IGF2BP2: variants seen among roughly 807,000 people sequenced by gnomAD.
IGF2BP2 encodes the protein insulin like growth factor 2 mRNA binding protein 2.
In IGF2BP2, 17 loss-of-function variants were observed where a neutral mutation model predicts 75.8. The observed-to-expected ratio is 0.22, with a 90% CI of 0.15 to 0.34. The LOEUF (loss-of-function observed/expected upper bound fraction) is 0.34. IGF2BP2 is among the 10% of genes least tolerant of loss of function. IGF2BP2 has a pLI of 1.00. For synonymous variants in IGF2BP2, 288 were observed against 295.6 expected (o/e 0.97, Z 0.26); for missense variants, 516 against 772.4 (o/e 0.67, Z 3.93).
chr3:185,797,429 C>A (rs911270162), intron 2 of IGF2BP2, among the ~76,000 whole-genome samples: 4 of 152,306 alleles, frequency 2.6e-5, no homozygotes, highest in Admixed American at 2.6e-4. Flanking sequence ...TTTGGACACC[C>A]CAAAGAGAAC....
intron 6 of IGF2BP2, among the ~76,000 whole-genome samples, chr3:185,687,783 C>T (rs1478219016): frequency 6.6e-6 from 1 of 152,198 alleles, no homozygotes; most frequent in Admixed American, 6.5e-5. Context: ...GTGGTCCTAC[C>T]TGTTTTTGTT....
intron 2 of IGF2BP2, among the ~76,000 whole-genome samples, chr3:185,771,597 A>C (rs1486353049): frequency 6.6e-6 from 1 of 152,150 alleles, no homozygotes; most frequent in Non-Finnish European, 1.5e-5. Context: ...AAGGAGGTAA[A>C]CTTTCCACTT....
At chr3:185,731,757 G>C (rs1311300997) in intron 2 of IGF2BP2, among the ~76,000 whole-genome samples, 1 of 151,804 alleles carries the variant, frequency 6.6e-6, no homozygotes, top group South Asian at 2.1e-4. Context: ...GGCGGATCAC[G>C]AGGTCAGGAG....
chr3:185,696,246 G>C (rs1722564877), intron 4 of IGF2BP2, among the ~76,000 whole-genome samples: 1 of 152,144 alleles, frequency 6.6e-6, no homozygotes, highest in African/African-American at 2.4e-5. Context: ...CAAGACATTA[G>C]GGATCTGTTT....
At position 185,684,424 on chromosome 3, in the gene IGF2BP2, A is replaced by C. The variant is rs571273491; in HGVS notation, c.812+2633T>G. 3.0e-3 allele frequency among the ~76,000 whole-genome samples: 449 copies of C among 151,088 alleles called. 2 individuals are homozygous for C. Among genetic ancestry groups the C allele is most frequent in the African/African-American group, 0.01 (423 of 41,128 alleles). On this transcript the variant is annotated intron_variant, in intron 7 of 15. Transcript: ENST00000382199. ...TTTTTTTTTTTCTTTTCTTGTTTTG[A>C]AATGGAGTCTCGCTCTGTCGCCCAG...
chr3:185,781,817 G>A (rs900157102), intron 2 of IGF2BP2, among the ~76,000 whole-genome samples: 13 of 152,058 alleles, frequency 8.5e-5, no homozygotes, highest in East Asian at 1.9e-4. Flanking sequence ...GCATGAGTGC[G>A]TTTGCTTTGG....
chr3:185,697,078 T>C (rs1418236006), intron 3 of IGF2BP2, among the ~76,000 whole-genome samples: 1 of 151,620 alleles, frequency 6.6e-6, no homozygotes, highest in Non-Finnish European at 1.5e-5. Flanking sequence ...GTTTGAAATG[T>C]TCCATAATAA....
intron 2 of IGF2BP2, among the ~76,000 whole-genome samples, chr3:185,813,176 T>C (rs1446519296): frequency 6.6e-6 from 1 of 152,234 alleles, no homozygotes; most frequent in Non-Finnish European, 1.5e-5. Flanking sequence ...TCTTCTTTAA[T>C]TCAAATAATT....
chr3:185,758,793 A>G (rs1398266511), intron 2 of IGF2BP2, among the ~76,000 whole-genome samples: 3 of 152,240 alleles, frequency 2.0e-5, no homozygotes, highest in African/African-American at 7.2e-5. Context: ...ATTATCCCAA[A>G]GCATTTAAAT....
chr3:185,699,034 C>T (rs1170826369), intron 2 of IGF2BP2, among the ~76,000 whole-genome samples: 6 of 152,106 alleles, frequency 3.9e-5, no homozygotes, highest in African/African-American at 7.2e-5. Context: ...AGGCTGGTCT[C>T]GAACTCCTGA....
chr3:185,809,611 CAG>C lies in IGF2BP2; in HGVS notation c.239+13540_239+13541del, dbSNP rs1739529097. Among the ~76,000 whole-genome samples, 3 of 151,558 alleles carry C rather than the reference CAG, an allele frequency of 2.0e-5. No individual in the cohort carries two copies. In the South Asian group the frequency reaches 6.3e-4, roughly 32 times the overall value. ...CATCATTGCACCCTAGCCTGGGTAA[CAG>C]AGTGAGACCCCCTGTCAGAAAGAAA... On this transcript the variant is annotated intron_variant, in intron 2 of 15. Transcript: ENST00000382199.
chr3:185,809,580 T>A (rs1336150896), intron 2 of IGF2BP2, among the ~76,000 whole-genome samples: 2 of 151,960 alleles, frequency 1.3e-5, no homozygotes, highest in Non-Finnish European at 2.9e-5. Context: ...CAGTGAGCCA[T>A]GATAGCATCA....
intron 2 of IGF2BP2, among the ~76,000 whole-genome samples, chr3:185,762,215 CTG>C (rs1732463573): frequency 6.6e-6 from 1 of 151,698 alleles, no homozygotes; most frequent in African/African-American, 2.4e-5. Context: ...TGGTGAAACC[CTG>C]TCTCTACTAA....
At chr3:185,781,359 G>A (rs953019081) in intron 2 of IGF2BP2, among the ~76,000 whole-genome samples, 10 of 152,144 alleles carry the variant, frequency 6.6e-5, no homozygotes, top group African/African-American at 2.4e-4. Flanking sequence ...TGGGAGGAAA[G>A]GAAGAATCTA....
At chr3:185,704,849 C>T (rs1723792235) in intron 2 of IGF2BP2, among the ~76,000 whole-genome samples, 1 of 152,178 alleles carries the variant, frequency 6.6e-6, no homozygotes, top group South Asian at 2.1e-4. Context: ...TGTTTAGTCA[C>T]TTTCTTTGTT....
intron 2 of IGF2BP2, among the ~76,000 whole-genome samples, chr3:185,719,175 T>C (rs1013488238): frequency 6.6e-6 from 1 of 151,940 alleles, no homozygotes; most frequent in African/African-American, 2.4e-5. Context: ...AGGTGAAGAG[T>C]TTGCACTGAT....
intron 13 of IGF2BP2, among the ~76,000 whole-genome samples, chr3:185,651,311 TTC>T (rs1714561255): frequency 6.6e-6 from 1 of 152,248 alleles, no homozygotes; most frequent in Non-Finnish European, 1.5e-5. Context: ...CTGAATAACA[TTC>T]TGTTAAATGG....
intron 2 of IGF2BP2, among the ~76,000 whole-genome samples, chr3:185,734,720 C>T (rs1728630314): frequency 6.6e-6 from 1 of 152,162 alleles, no homozygotes; most frequent in Non-Finnish European, 1.5e-5. Flanking sequence ...TAATTGTAAG[C>T]TCAACTTTCT....
chr3:185,721,542 T>C (rs1469623318), intron 2 of IGF2BP2, among the ~76,000 whole-genome samples: 2 of 152,178 alleles, frequency 1.3e-5, no homozygotes, highest in African/African-American at 2.4e-5. Flanking sequence ...CTCTTTTTAA[T>C]GGTTAAAACT....
Sources: allele counts gnomAD v4.1 joint callset (sites outside exome capture counted in the v4.1 genomes callset), GRCh38; gene constraint gnomAD v4.1.1; transcripts MANE v1.5; gene names NCBI Gene and HGNC (gene_info 2026-07-23, HGNC 2026-07-21).